Variants in ZMYM6 observed in about 807,000 individuals in gnomAD.
The protein encoded by ZMYM6 is zinc finger MYM-type protein 6.
A neutral mutation model predicts 134.0 loss-of-function variants in ZMYM6; 90 were observed. That is an observed-to-expected ratio of 0.67 (90% CI 0.57 to 0.80). The LOEUF (loss-of-function observed/expected upper bound fraction) is 0.80, where lower values mean the gene tolerates loss of function less well. Ranked by LOEUF, ZMYM6 falls within the 30% of genes least tolerant of loss-of-function variation. The pLI is 0.00. For missense variants in ZMYM6, 1,362 were observed against 1,533.9 expected, an observed-to-expected ratio of 0.89 and a Z score of 1.87; for synonymous variants, 481 against 524.1, an observed-to-expected ratio of 0.92 and a Z score of 1.12.
chr1:35,012,375 T>G lies in ZMYM6; in HGVS notation c.946+56A>C. ...TTGTAACAAAATCAGAGAAAAGCAGTTACGTTTTTCTTCAATAGTTATTAA... is the reference window on the plus strand; with the variant it reads ...TTGTAACAAAATCAGAGAAAAGCAGGTACGTTTTTCTTCAATAGTTATTAA... On this transcript the variant is annotated intron_variant, in intron 7 of 15. Coordinates refer to ENST00000357182, the MANE Select transcript of ZMYM6 (RefSeq NM_007167.4). 3.7e-6 allele frequency: 5 copies of G among 1,345,718 alleles called. 1 individual carries two copies. The allele number at this position is 1,345,718 out of a possible 1,614,324, so 83.4% of individuals were successfully genotyped here.
intron 2 of ZMYM6, among the ~76,000 whole-genome samples, chr1:35,029,201 T>C (rs1487598880): frequency 6.6e-6 from 1 of 152,016 alleles, no homozygotes; most frequent in African/African-American, 2.4e-5. Flanking sequence ...AACCCTATAA[T>C]GGCTATCTAC....
rs565250441 is a variant in ZMYM6 at position 34,995,395 on chromosome 1, T to C, written c.1993-3008A>G. Among the ~76,000 whole-genome samples, 99 of 150,756 alleles carry C rather than the reference T, an allele frequency of 6.6e-4. 1 individual carries two copies. The highest frequency in any genetic ancestry group is 1.5e-3 in the African/African-American group (60 of 41,110). On this transcript the variant is annotated intron_variant, in intron 14 of 15. Coordinates refer to ENST00000357182, the MANE Select transcript of ZMYM6 (RefSeq NM_007167.4). ...ATGTATATAGGGTTCTATATATATA[T>C]ACACACACACACACAATGTTTTTTC...
At chr1:35,020,128 C>T (rs1641279045) in intron 3 of ZMYM6, among the ~76,000 whole-genome samples, 1 of 152,014 alleles carries the variant, frequency 6.6e-6, no homozygotes, top group Admixed American at 6.6e-5. Context: ...TGTTTGTAAA[C>T]GTGGGGATGT....
At chr1:35,011,762 T>C (rs1641090774) in intron 8 of ZMYM6, 128 bp downstream of exon 8, 2 of 579,284 alleles carry the variant, frequency 3.5e-6, no homozygotes, top group Non-Finnish European at 5.3e-6. Context: ...GGCCCCTGGA[T>C]GAAACAAATT....
intron 12 of ZMYM6, 33 bp downstream of exon 12, chr1:35,006,918 C>A: frequency 6.3e-7 from 1 of 1,588,590 alleles, no homozygotes; most frequent in South Asian, 1.2e-5. Context: ...CTAGCACTGA[C>A]ATAAAAATCC....
At chr1:35,008,186 C>T (rs922903038) in intron 11 of ZMYM6, among the ~76,000 whole-genome samples, 19 of 152,168 alleles carry the variant, frequency 1.2e-4, no homozygotes, top group African/African-American at 4.6e-4. Context: ...CTTAACTTCC[C>T]TGGACCTCTC....
chr1:35,017,216 T>C (rs1337250962), intron 4 of ZMYM6: 2 of 152,214 alleles, frequency 1.3e-5, no homozygotes, highest in African/African-American at 4.8e-5. Flanking sequence ...ACCTTTATTA[T>C]ACAGGTATAT....
intron 14 of ZMYM6, among the ~76,000 whole-genome samples, chr1:34,995,374 A>C (rs552315399): frequency 1.3e-5 from 2 of 151,252 alleles, no homozygotes; most frequent in South Asian, 4.2e-4. Flanking sequence ...GCCTCTATGT[A>C]TATAGGGTTC....
intron 2 of ZMYM6, 81 bp from the exon 3 acceptor site, chr1:35,020,548 TA>T (rs771830712): frequency 3.3e-6 from 3 of 897,618 alleles, no homozygotes; most frequent in Non-Finnish European, 4.5e-6. Context: ...AAAAAAAAAT[TA>T]TTCTATCCTA....
chr1:34,992,022 T>G, intron 15 of ZMYM6: 1 of 633,810 alleles, frequency 1.6e-6, no homozygotes, highest in East Asian at 3.3e-5. Flanking sequence ...TAAAACTGTA[T>G]GTTAGTAATT....
intron 4 of ZMYM6, chr1:35,018,810 C>A (rs984840177): frequency 6.5e-6 from 1 of 154,964 alleles, no homozygotes; most frequent in African/African-American, 2.4e-5. Flanking sequence ...GCAAAATATG[C>A]CAAATCCTTC....
Position 34,988,080 on chromosome 1 carries a change from G to A in ZMYM6, c.3002C>T (p.Ala1001Val). Residue 1001 changes from alanine to valine, a missense_variant, in exon 16 of 16, where the codon GCC becomes GTC. Transcript: ENST00000357182. ...SGLKAKIQEVAMNTAAFTHCF... is the reference protein window; with the variant it reads ...SGLKAKIQEVVMNTAAFTHCF... ...ATGTGTAAATGCCGCTGTATTCATG[G>A]CAACTTCTTGAATTTTTGCTTTTAA... 1 of 1,551,434 alleles carries A rather than the reference G, an allele frequency of 6.4e-7. No individual in the cohort carries two copies. Among genetic ancestry groups the A allele is most frequent in the Non-Finnish European group, 8.7e-7 (1 of 1,146,978 alleles).
chr1:35,020,567 CCTTT>C (rs1303902961), intron 2 of ZMYM6, 100 bp from the exon 3 acceptor site: 3 of 554,068 alleles, frequency 5.4e-6, no homozygotes, highest in African/African-American at 2.1e-5. Flanking sequence ...CTATTCATCT[CCTTT>C]TTTTTTTTTT....
At chr1:35,025,882 C>A (rs1641405360) in intron 2 of ZMYM6, among the ~76,000 whole-genome samples, 1 of 152,148 alleles carries the variant, frequency 6.6e-6, no homozygotes, top group African/African-American at 2.4e-5. Context: ...CAGTACTTAA[C>A]TGAGGGTTGT....
At chr1:34,997,534 C>T (rs1377592603) in intron 14 of ZMYM6, among the ~76,000 whole-genome samples, 1 of 151,968 alleles carries the variant, frequency 6.6e-6, no homozygotes, top group Non-Finnish European at 1.5e-5. Context: ...TGAACTCCTG[C>T]CCTTAAGAGA....
intron 11 of ZMYM6, among the ~76,000 whole-genome samples, chr1:35,007,962 C>T (rs1641015092): frequency 6.6e-6 from 1 of 152,096 alleles, no homozygotes; most frequent in African/African-American, 2.4e-5. Context: ...GCTTTGGAGT[C>T]ATAAAGATTT....
intron 10 of ZMYM6, 32 bp from the exon 11 acceptor site, chr1:35,008,956 T>C (rs2148452022): frequency 6.3e-7 from 1 of 1,592,788 alleles, no homozygotes; most frequent in Non-Finnish European, 8.5e-7. Flanking sequence ...GGAAGAAAAA[T>C]CAAATTTACA....
intron 2 of ZMYM6, 100 bp from the exon 3 acceptor site, chr1:35,020,567 C>A: frequency 1.8e-6 from 1 of 554,088 alleles, no homozygotes; most frequent in Non-Finnish European, 2.5e-6. Flanking sequence ...CTATTCATCT[C>A]CTTTTTTTTT....
intron 15 of ZMYM6, chr1:34,991,990 T>C (rs1640683864): frequency 2.0e-6 from 1 of 508,776 alleles, no homozygotes; most frequent in East Asian, 4.3e-5. Flanking sequence ...AAAAAACAGG[T>C]TAAATCACTA....
Sources: gnomAD v4.1 joint callset for allele counts (sites outside exome capture counted in the v4.1 genomes callset) on GRCh38, gnomAD v4.1.1 for gene constraint, MANE v1.5 for transcripts, NCBI Gene and HGNC (gene_info 2026-07-23, HGNC 2026-07-21) for gene names.